LAT2: variants seen among roughly 807,000 people sequenced by gnomAD.
LAT2 encodes linker for activation of T-cells family member 2.
A neutral mutation model predicts 43.4 loss-of-function variants in LAT2; 23 were observed. The observed-to-expected ratio is 0.53, with a 90% CI of 0.38 to 0.75. The LOEUF (loss-of-function observed/expected upper bound fraction) is 0.75. LAT2 is among the 30% of genes least tolerant of loss of function. The pLI, the probability that LAT2 is intolerant of heterozygous loss-of-function variation, is 0.00. For synonymous variants in LAT2, 128 were observed against 123.2 expected (o/e 1.04, Z -0.26); for missense variants, 284 against 310.2 (o/e 0.92, Z 0.64).
Position 74,220,121 on chromosome 7 carries a change from G to A in LAT2, c.228-96G>A. 2 of 1,563,560 alleles carry A rather than the reference G, an allele frequency of 1.3e-6. No individual in the cohort carries two copies. Among genetic ancestry groups the A allele is most frequent in the African/African-American group, 1.4e-5 (1 of 73,982 alleles). The stretch of plus-strand genomic sequence containing the variant: ...CCGAGTCCCAGAGCTCCAGGGCTCA[G>A]CTATGAAGGCCCCACAAGGGGTATG... On this transcript the variant is annotated intron_variant, in intron 6 of 13. Transcript: ENST00000460943. The surrounding 1 kb of genome is among the most constrained non-coding windows in gnomAD (Gnocchi z 4.5).
At position 74,220,161 on chromosome 7, in the gene LAT2, G is replaced by A. The variant is rs1183607359; in HGVS notation, c.228-56G>A. On this transcript the variant is annotated intron_variant, in intron 6 of 13. Transcript: ENST00000460943. The surrounding 1 kb of genome is among the most constrained non-coding windows in gnomAD (Gnocchi z 4.5). ...CAAGGGGTATGGGGGGATGTGTCCTGGGGGGCCTCTCCCCTACAGCCCCTC... is the reference window on the plus strand; with the variant it reads ...CAAGGGGTATGGGGGGATGTGTCCTAGGGGGCCTCTCCCCTACAGCCCCTC... The A allele has an allele frequency of 1.3e-6, 2 of 1,569,460 alleles. No homozygotes were observed. Among genetic ancestry groups the A allele is most frequent in the Non-Finnish European group, 1.7e-6 (2 of 1,151,558 alleles).
intron 4 of LAT2, among the ~76,000 whole-genome samples, chr7:74,218,941 G>A (rs1008558810): frequency 4.8e-5 from 7 of 147,344 alleles, no homozygotes; most frequent in Admixed American, 2.7e-4. Flanking sequence ...CAGGTGATTC[G>A]CCTGCCTTGG....
Position 74,220,736 on chromosome 7 carries a change from T to A in LAT2, c.332+2T>A. ...ACACGGGTCGGAGGAAGCCTACATG[T>A]GAGTGACCTTGATCCTGTCCCCCCT... On this transcript the variant is annotated splice_donor_variant, in intron 9 of 13. Transcript: ENST00000460943. LOFTEE classifies it high-confidence loss of function. This position sits in a 1 kb window ranked among gnomAD's most constrained non-coding sequence, Gnocchi z 4.5. 6.3e-7 allele frequency: 1 copy of A among 1,586,312 alleles called. No homozygotes were observed. Among genetic ancestry groups the A allele is most frequent in the Non-Finnish European group, 8.6e-7 (1 of 1,161,340 alleles).
chr7:74,220,136 C>T lies in LAT2; in HGVS notation c.228-81C>T, dbSNP rs1802208082. ...CCAGGGCTCAGCTATGAAGGCCCCA[C>T]AAGGGGTATGGGGGGATGTGTCCTG... On this transcript the variant is annotated intron_variant, in intron 6 of 13. Coordinates refer to ENST00000460943, the MANE Select transcript of LAT2 (RefSeq NM_032464.3). This position sits in a 1 kb window ranked among gnomAD's most constrained non-coding sequence, Gnocchi z 4.5. 1.3e-6 allele frequency: 2 copies of T among 1,563,838 alleles called. No homozygotes were observed. The highest frequency in any genetic ancestry group is 3.5e-5 in the Admixed American group (2 of 56,892).
At position 74,210,040 on chromosome 7, in the gene LAT2, G is replaced by A. The variant is rs1801678085; in HGVS notation, c.-267G>A. 1 of 152,332 alleles carries A rather than the reference G, an allele frequency of 6.6e-6. No individual in the cohort carries two copies. The highest frequency in any genetic ancestry group is 6.6e-5 in the Admixed American group (1 of 15,258). 9.4% of individuals were successfully genotyped at this position (152,332 alleles called of 1,614,324 possible). Reference sequence around the variant, plus strand: ...GGTGTTGGCATCAGCTTGGGCAGGTGTGCGGGCTCAGGATGGGGCGGCCGT... The same window carrying A: ...GGTGTTGGCATCAGCTTGGGCAGGTATGCGGGCTCAGGATGGGGCGGCCGT... On this transcript the variant is annotated 5_prime_UTR_variant, in exon 1 of 14. It adds an upstream start codon to the 5' untranslated region. Coordinates refer to ENST00000460943, the MANE Select transcript of LAT2 (RefSeq NM_032464.3).
chr7:74,214,177 AAAATATATAT>A (rs1379796728), intron 1 of LAT2, among the ~76,000 whole-genome samples: 3 of 104,272 alleles, frequency 2.9e-5, no homozygotes, highest in South Asian at 2.6e-4. Context: ...TATATATATG[AAAATATATAT>A]AAATATATAT....
At position 74,216,927 on chromosome 7, in the gene LAT2, G is replaced by T; in HGVS notation, c.134+63G>T. The T allele has an allele frequency of 6.9e-6, 10 of 1,439,350 alleles. No individual in the cohort carries two copies. The Admixed American group carries it at 1.7e-4, about 24-fold the overall frequency. The allele number at this position is 1,439,350 out of a possible 1,614,324, so 89.2% of individuals were successfully genotyped here. On this transcript the variant is annotated intron_variant, in intron 4 of 13. Transcript: ENST00000460943. ...GTGCCCTGGGCATGGACGTCCTCAA[G>T]GGAATTCCTAGCACCCCATCCTTCA...
chr7:74,224,821 G>A (rs1802426230), intron 13 of LAT2, 61 bp downstream of exon 13: 2 of 1,244,568 alleles, frequency 1.6e-6, no homozygotes, highest in African/African-American at 1.5e-5. Context: ...CAAGCTGCAG[G>A]ACCCCCAATC....
chr7:74,226,605 C>A (rs1802496715), intron 13 of LAT2: 3 of 154,724 alleles, frequency 1.9e-5, no homozygotes, highest in Non-Finnish European at 4.3e-5. Context: ...CTACAGTGAG[C>A]TATGATTGTA....
intron 1 of LAT2, among the ~76,000 whole-genome samples, chr7:74,213,784 T>C (rs1801827418): frequency 6.6e-6 from 1 of 151,776 alleles, no homozygotes; most frequent in Admixed American, 6.6e-5. Context: ...AGCTGTGGGA[T>C]GGGGAGAAGC....
chr7:74,225,992 G>C (rs1448862862), intron 13 of LAT2: 1 of 152,290 alleles, frequency 6.6e-6, no homozygotes, highest in Admixed American at 6.5e-5. Flanking sequence ...CTTGCATTCT[G>C]GTAGGAGAGA....
At chr7:74,214,186 A>G (rs1488341247) in intron 1 of LAT2, among the ~76,000 whole-genome samples, 5 of 103,326 alleles carry the variant, frequency 4.8e-5, no homozygotes, top group African/African-American at 8.8e-5. Flanking sequence ...GAAAATATAT[A>G]TAAATATATA....
rs2116113017 is a variant in LAT2, at chr7:74,214,891, G to A, written c.-149G>A. ...ATCTCAAGCGATCCTCCCTGCCTCG[G>A]CCTCCCAACGTGCTGGGATTATAGG... On this transcript the variant is annotated 5_prime_UTR_variant, in exon 2 of 14. Coordinates refer to ENST00000460943, the MANE Select transcript of LAT2 (RefSeq NM_032464.3). 1 of 144,240 alleles carries A rather than the reference G, an allele frequency of 6.9e-6. No individual in the cohort carries two copies. Among genetic ancestry groups the A allele is most frequent in the African/African-American group, 2.7e-5 (1 of 37,416 alleles). The allele number at this position is 144,240 out of a possible 1,614,324, so 8.9% of individuals were successfully genotyped here. A position where few individuals can be genotyped will look rare whatever the true frequency, so the allele number is the denominator to read the frequency against.
At chr7:74,210,958 TG>T (rs1311456882) in intron 1 of LAT2, among the ~76,000 whole-genome samples, 1 of 151,604 alleles carries the variant, frequency 6.6e-6, no homozygotes, top group East Asian at 1.9e-4. Flanking sequence ...ACCGGCAGGG[TG>T]GTCTCGAGCG....
Position 74,214,791 on chromosome 7 carries a change from A to ATATT in LAT2, c.-218-30_-218-29insATTT, listed in dbSNP as rs1278478546. On this transcript the variant is annotated intron_variant, in intron 1 of 13. Transcript: ENST00000460943. The stretch of plus-strand genomic sequence containing the variant: ...TATATATATAAATATATATATATAT[A>ATATT]TTTTTTTTTTTTTTTGTATTTTTTT... 243 of 79,322 alleles carry ATATT rather than the reference A, an allele frequency of 3.1e-3. 10 individuals carry two copies. The highest frequency in any genetic ancestry group is 3.1e-3 in the Non-Finnish European group (141 of 45,488). 4.9% of individuals were successfully genotyped at this position (79,322 alleles called of 1,614,324 possible).
At chr7:74,223,863 C>G in intron 11 of LAT2, 80 bp downstream of exon 11, 1 of 1,511,758 alleles carries the variant, frequency 6.6e-7, no homozygotes, top group Non-Finnish European at 9.2e-7. Flanking sequence ...CTCCCCACTG[C>G]TCAAAGGCCG....
At position 74,224,724 on chromosome 7, in the gene LAT2, G is replaced by A; in HGVS notation, c.714G>A (p.Val238=). 2 of 1,600,644 alleles carry A rather than the reference G, an allele frequency of 1.2e-6. No individual in the cohort carries two copies. The highest frequency in any genetic ancestry group is 1.7e-6 in the Non-Finnish European group (2 of 1,173,804). Reference sequence around the variant, plus strand: ...AACCGGATTACGTGAATGGGGAGGTGGCAGCCACAGAAGCCTAGGGCAGAC... The same window carrying A: ...AACCGGATTACGTGAATGGGGAGGTAGCAGCCACAGAAGCCTAGGGCAGAC... ...DGEPDYVNGE[V]AATEA The change falls in exon 13 of 14, where the codon GTG becomes GTA. Residue 238 remains valine, a synonymous_variant. Coordinates refer to ENST00000460943, the MANE Select transcript of LAT2 (RefSeq NM_032464.3).
intron 3 of LAT2, 147 bp from the exon 4 acceptor site, chr7:74,216,678 C>A: frequency 1.6e-6 from 1 of 619,822 alleles, no homozygotes. Context: ...CCCAAATATT[C>A]TTTAATATCA....
chr7:74,220,864 T>C lies in LAT2; in HGVS notation c.332+130T>C. The C allele has an allele frequency of 1.3e-6, 1 of 761,854 alleles. No homozygotes were observed. The highest frequency in any genetic ancestry group is 4.0e-4 in the Middle Eastern group (1 of 2,528). 47.2% of individuals were successfully genotyped at this position (761,854 alleles called of 1,614,324 possible). ...GCTTCCTGGTCCAGGAACCACCTCT[T>C]GCACTAGAACGAGGCATCCAGGTTC... is the stretch of plus-strand genomic sequence containing the variant. On this transcript the variant is annotated intron_variant, in intron 9 of 13. Coordinates refer to ENST00000460943, the MANE Select transcript of LAT2 (RefSeq NM_032464.3). This position sits in a 1 kb window ranked among gnomAD's most constrained non-coding sequence, Gnocchi z 4.5.
Sources: gnomAD v4.1 joint callset for allele counts (sites outside exome capture counted in the v4.1 genomes callset) on GRCh38, gnomAD v4.1.1 for gene constraint, Gnocchi (gnomAD v3.1) non-coding constraint, MANE v1.5 for transcripts, NCBI Gene and HGNC (gene_info 2026-07-23, HGNC 2026-07-21) for gene names.